The following DRAM1 variants were observed in gnomAD, a reference collection of about 807,000 sequenced individuals.
DRAM1 encodes the protein DNA damage-regulated autophagy modulator protein 1.
DRAM1 carries 25 observed loss-of-function variants against 28.5 expected under a neutral mutation model. The observed-to-expected ratio is 0.88, with a 90% CI of 0.64 to 1.23. The LOEUF (loss-of-function observed/expected upper bound fraction) is 1.23, where lower values mean the gene tolerates loss of function less well. DRAM1 is among the 50% of genes most tolerant of loss of function. DRAM1 has a pLI of 0.00. For missense variants in DRAM1, 249 were observed against 299.2 expected (o/e 0.83, Z 1.24); for synonymous variants, 113 against 114.2 (o/e 0.99, Z 0.07).
chr12:101,907,179 G>A (rs1459426009), intron 3 of DRAM1, among the ~76,000 whole-genome samples: 2 of 139,204 alleles, frequency 1.4e-5, no homozygotes, highest in Non-Finnish European at 3.0e-5. Context: ...CCACCTAAGC[G>A]ACGGAGTGAG....
At chr12:101,884,620 C>G (rs1872815743) in intron 1 of DRAM1, among the ~76,000 whole-genome samples, 1 of 152,176 alleles carries the variant, frequency 6.6e-6, no homozygotes, top group African/African-American at 2.4e-5. Flanking sequence ...GTCTCACTTT[C>G]CATGTGAATA....
chr12:101,909,927 G>A (rs1363793652), intron 4 of DRAM1, among the ~76,000 whole-genome samples: 1 of 152,212 alleles, frequency 6.6e-6, no homozygotes, highest in African/African-American at 2.4e-5. Context: ...ATGTCAGATT[G>A]TAGGAAAATC....
intron 1 of DRAM1, among the ~76,000 whole-genome samples, chr12:101,883,581 T>C (rs1389287919): frequency 6.7e-6 from 1 of 149,746 alleles, no homozygotes; most frequent in Non-Finnish European, 1.5e-5. Context: ...CCCAAAGTGC[T>C]GGGATTACAG....
intron 1 of DRAM1, among the ~76,000 whole-genome samples, chr12:101,882,647 T>C (rs1872729330): frequency 6.6e-6 from 1 of 151,230 alleles, no homozygotes; most frequent in Non-Finnish European, 1.5e-5. Context: ...CTGATGCCAG[T>C]TGTGATCTAG....
chr12:101,878,156 GTT>G, intron 1 of DRAM1, among the ~76,000 whole-genome samples: 1 of 152,166 alleles, frequency 6.6e-6, no homozygotes, highest in Non-Finnish European at 1.5e-5. Flanking sequence ...GCAAGGAGAG[GTT>G]CAGGATAGAT....
intron 2 of DRAM1, among the ~76,000 whole-genome samples, chr12:101,900,778 A>G (rs905131121): frequency 6.6e-6 from 1 of 152,192 alleles, no homozygotes. Context: ...TGACCCAGTA[A>G]TATTACTTCT....
At chr12:101,913,800 G>T (rs1874132617) in intron 4 of DRAM1, among the ~76,000 whole-genome samples, 1 of 151,804 alleles carries the variant, frequency 6.6e-6, no homozygotes, top group East Asian at 1.9e-4. Flanking sequence ...AACCATCCTG[G>T]ACTGCTGCGT....
chr12:101,911,349 G>A (rs1424378058), intron 4 of DRAM1, among the ~76,000 whole-genome samples: 6 of 152,330 alleles, frequency 3.9e-5, no homozygotes, highest in South Asian at 2.1e-4. Flanking sequence ...TGAGGCAGAC[G>A]TTAGAATCCT....
chr12:101,897,182 G>T (rs1306203904), intron 1 of DRAM1, among the ~76,000 whole-genome samples: 1 of 147,416 alleles, frequency 6.8e-6, no homozygotes, highest in African/African-American at 2.6e-5. Context: ...GCCAATATTA[G>T]AATTTTCAAA....
At chr12:101,899,183 T>A (rs576934440) in intron 2 of DRAM1, among the ~76,000 whole-genome samples, 2 of 152,312 alleles carry the variant, frequency 1.3e-5, no homozygotes, top group African/African-American at 4.8e-5. Flanking sequence ...TCACCATTTG[T>A]AGTCCTCCTA....
intron 2 of DRAM1, among the ~76,000 whole-genome samples, chr12:101,898,852 G>C (rs2121090489): frequency 6.6e-6 from 1 of 152,320 alleles, no homozygotes; most frequent in South Asian, 2.1e-4. Flanking sequence ...TACCTAAGAT[G>C]CAGATGATAG....
intron 4 of DRAM1, among the ~76,000 whole-genome samples, chr12:101,913,808 C>T (rs1044827436): frequency 1.1e-4 from 17 of 151,470 alleles, no homozygotes; most frequent in African/African-American, 3.2e-4. Context: ...TGGACTGCTG[C>T]GTCAGTCATT....
chr12:101,880,278 C>CTTTTT (rs61082909), intron 1 of DRAM1, among the ~76,000 whole-genome samples: 7 of 70,100 alleles, frequency 1.0e-4, no homozygotes, highest in African/African-American at 5.3e-4. Flanking sequence ...GCAATGCTTC[C>CTTTTT]TTTTTTTTTT....
At chr12:101,900,623 C>T (rs535499034) in intron 2 of DRAM1, among the ~76,000 whole-genome samples, 1 of 152,194 alleles carries the variant, frequency 6.6e-6, no homozygotes. Context: ...GCAAACTAAC[C>T]CAACAGGTTG....
At chr12:101,884,917 T>G (rs1190790561) in intron 1 of DRAM1, among the ~76,000 whole-genome samples, 1 of 152,146 alleles carries the variant, frequency 6.6e-6, no homozygotes, top group Non-Finnish European at 1.5e-5. Flanking sequence ...CAGATGCTGA[T>G]CTTTATAGAG....
At chr12:101,915,194 T>A (rs977530609) in intron 5 of DRAM1, among the ~76,000 whole-genome samples, 1 of 151,548 alleles carries the variant, frequency 6.6e-6, no homozygotes, top group African/African-American at 2.4e-5. Flanking sequence ...TTAGCCAGGA[T>A]GGTCTCGATC....
chr12:101,906,854 C>CA (rs751751554), intron 3 of DRAM1, among the ~76,000 whole-genome samples: 9,771 of 67,036 alleles, frequency 0.15, 698 homozygotes, highest in African/African-American at 0.2. Flanking sequence ...GACTCTGCCT[C>CA]AAAAAAAAAA....
intron 1 of DRAM1, among the ~76,000 whole-genome samples, chr12:101,889,840 T>C (rs2121043172): frequency 6.7e-6 from 1 of 148,780 alleles, no homozygotes; most frequent in Non-Finnish European, 1.5e-5. Flanking sequence ...CTTGGGAGGC[T>C]GAGGCACGAG....
chr12:101,908,473 C>A (rs1873909539), intron 4 of DRAM1, 110 bp downstream of exon 4: 1 of 1,142,436 alleles, frequency 8.8e-7, no homozygotes, highest in Non-Finnish European at 1.2e-6. Flanking sequence ...GTTCTGACAG[C>A]AGGGCGGAGA....
Sources: gnomAD v4.1 joint callset for allele counts (sites outside exome capture counted in the v4.1 genomes callset) on GRCh38, gnomAD v4.1.1 for gene constraint, MANE v1.5 for transcripts, NCBI Gene and HGNC (gene_info 2026-07-23, HGNC 2026-07-21) for gene names.